PRKCH: variants seen among roughly 807,000 people sequenced by gnomAD.
The protein encoded by PRKCH is protein kinase C eta, also known as protein kinase C eta type.
Under a neutral mutation model 82.5 loss-of-function variants are expected in PRKCH, and 28 were observed. The ratio of observed to expected loss-of-function variants is 0.34; its 90% confidence interval spans 0.25 to 0.47. The LOEUF (loss-of-function observed/expected upper bound fraction) is 0.47. PRKCH is among the 20% of genes least tolerant of loss of function. The pLI is 1.00. For missense variants in PRKCH, 705 were observed against 881.8 expected (o/e 0.80, Z 2.54); for synonymous variants, 322 against 327.4 (o/e 0.98, Z 0.18).
intron 1 of PRKCH, among the ~76,000 whole-genome samples, chr14:61,296,573 C>T (rs565407186): frequency 1.3e-5 from 2 of 152,096 alleles, no homozygotes; most frequent in Non-Finnish European, 2.9e-5. Context: ...TTCAGTAGCC[C>T]CATAATCTCC....
In PRKCH at chr14:61,547,816, C is replaced by G; in HGVS notation, c.1835C>G (p.Pro612Arg). The G allele has an allele frequency of 6.2e-7, 1 of 1,614,180 alleles. No individual in the cohort carries two copies. Among genetic ancestry groups the G allele is most frequent in the Non-Finnish European group, 8.5e-7 (1 of 1,180,026 alleles). ...GGCGAGCACGCCATCTTGAGACATC[C>G]TTTTTTTAAGGAAATCGACTGGGCC... ...QGGEHAILRH[P>R]FFKEIDWAQL... Residue 612 changes from proline (P) to arginine (R), a missense_variant, in exon 13 of 14, where the codon CCT (proline) becomes CGT (arginine). Physicochemically the swap from Pro to Arg is moderately radical, Grantham distance 103. Around this residue, in one of 5 missense-constraint regions of PRKCH, gnomAD observed 115 missense variants for 193.8 expected, o/e 0.59. Coordinates refer to ENST00000332981, the MANE Select transcript of PRKCH (RefSeq NM_006255.5).
chr14:61,237,242 C>CAA (rs567714882), intron 1 of PRKCH, among the ~76,000 whole-genome samples: 15,559 of 93,416 alleles, frequency 0.17, 1,017 homozygotes, highest in African/African-American at 0.25. Context: ...GACTCTGTTT[C>CAA]AAAAAAAAAA....
intron 10 of PRKCH, among the ~76,000 whole-genome samples, chr14:61,511,230 G>T (rs1045069510): frequency 1.3e-5 from 2 of 152,172 alleles, no homozygotes; most frequent in African/African-American, 4.8e-5. Flanking sequence ...TCTCCATTTG[G>T]TTCGGATGTA....
At chr14:61,197,829 C>T (rs768605940) in intron 1 of PRKCH, among the ~76,000 whole-genome samples, 30 of 152,236 alleles carry the variant, frequency 2.0e-4, no homozygotes, top group Non-Finnish European at 3.1e-4. Context: ...AAAGACAGTG[C>T]CTCCACTTGT....
chr14:61,400,438 G>T (rs1342395241), intron 2 of PRKCH, among the ~76,000 whole-genome samples: 1 of 152,140 alleles, frequency 6.6e-6, no homozygotes, highest in Non-Finnish European at 1.5e-5. Context: ...TAGTTTTTGT[G>T]TTTGTTTTTT....
At chr14:61,274,227 A>C (rs995321385) in intron 1 of PRKCH, among the ~76,000 whole-genome samples, 1 of 152,254 alleles carries the variant, frequency 6.6e-6, no homozygotes, top group African/African-American at 2.4e-5. Context: ...GACCAGCATG[A>C]GCAAAGACAC....
intron 2 of PRKCH, among the ~76,000 whole-genome samples, chr14:61,422,259 T>C (rs1882876072): frequency 6.6e-6 from 1 of 151,964 alleles, no homozygotes; most frequent in Non-Finnish European, 1.5e-5. Context: ...AAATATTTTG[T>C]TTTTCTGTAG....
intron 12 of PRKCH, among the ~76,000 whole-genome samples, chr14:61,542,370 G>GA (rs61011878): frequency 2.5e-4 from 37 of 148,086 alleles, no homozygotes; most frequent in East Asian, 6.0e-4. Context: ...TTTCTGTCAG[G>GA]AAAAAAAAAA....
intron 1 of PRKCH, chr14:61,281,224 G>A: frequency 1.0e-6 from 1 of 967,866 alleles, no homozygotes; most frequent in Non-Finnish European, 1.4e-6. Context: ...TCCGCGCCGC[G>A]CAAGCCCGGG....
At chr14:61,299,484 T>TC (rs56098127) in intron 1 of PRKCH, among the ~76,000 whole-genome samples, 80 of 151,866 alleles carry the variant, frequency 5.3e-4, no homozygotes, top group Non-Finnish European at 6.3e-4. Context: ...TCAGGTTTTT[T>TC]CTACTGGGAG....
At chr14:61,449,898 C>G (rs887576092) in intron 5 of PRKCH, among the ~76,000 whole-genome samples, 4,311 of 26,746 alleles carry the variant, frequency 0.16, 111 homozygotes, top group Middle Eastern at 0.28. Context: ...CTCTCTCTCT[C>G]TCTGTGTGTG....
At chr14:61,214,184 A>G (rs942111402) in intron 1 of PRKCH, among the ~76,000 whole-genome samples, 1 of 152,124 alleles carries the variant, frequency 6.6e-6, no homozygotes, top group Non-Finnish European at 1.5e-5. Context: ...CTGTTTAACC[A>G]TCGTATTTCT....
chr14:61,465,826 A>G (rs1885229231), intron 9 of PRKCH, among the ~76,000 whole-genome samples: 1 of 152,232 alleles, frequency 6.6e-6, no homozygotes, highest in African/African-American at 2.4e-5. Flanking sequence ...TATGTTACGT[A>G]GTTAAATTGT....
intron 5 of PRKCH, among the ~76,000 whole-genome samples, chr14:61,450,507 A>G (rs1054515552): frequency 1.3e-5 from 2 of 152,222 alleles, no homozygotes; most frequent in African/African-American, 4.8e-5. Flanking sequence ...TGAAGTTAAA[A>G]GGTTCTGGGA....
intron 1 of PRKCH, among the ~76,000 whole-genome samples, chr14:61,347,393 C>A (rs1181657442): frequency 6.6e-6 from 1 of 152,170 alleles, no homozygotes; most frequent in African/African-American, 2.4e-5. Context: ...TGCTTTCGTT[C>A]CTCCTTTACC....
At chr14:61,294,314 G>T (rs764435494) in intron 1 of PRKCH, among the ~76,000 whole-genome samples, 4 of 151,984 alleles carry the variant, frequency 2.6e-5, no homozygotes, top group Admixed American at 6.6e-5. Flanking sequence ...TAGAGATGGG[G>T]TTTCGCCGTG....
chr14:61,487,341 C>T (rs1019041454), intron 10 of PRKCH, among the ~76,000 whole-genome samples: 3 of 152,182 alleles, frequency 2.0e-5, no homozygotes, highest in Non-Finnish European at 2.9e-5. Flanking sequence ...TCTTAGGTCA[C>T]GGGGCTGCAG....
upstream of PRKCH, among the ~76,000 whole-genome samples, chr14:61,317,388 A>C (rs147169973): frequency 1.3e-5 from 2 of 152,312 alleles, no homozygotes. Context: ...AAACTGTTGA[A>C]AGATTACTAA....
At position 61,382,461 on chromosome 14, in the gene PRKCH, A is replaced by C. The variant is rs141716663; in HGVS notation, c.364-8764A>C. On this transcript the variant is annotated intron_variant, in intron 1 of 13. Coordinates refer to ENST00000332981, the MANE Select transcript of PRKCH (RefSeq NM_006255.5). ...AAAAAACAAAAACAAACAAAAAAAAACAAGAAAAACCAATACAATCTCATT... is the reference window on the plus strand; with the variant it reads ...AAAAAACAAAAACAAACAAAAAAAACCAAGAAAAACCAATACAATCTCATT... Among the ~76,000 whole-genome samples, 140 of 152,180 alleles carry C rather than the reference A, an allele frequency of 9.2e-4. 2 individuals are homozygous for C. Among genetic ancestry groups the C allele is most frequent in the East Asian group, 7.7e-3 (40 of 5,186 alleles).
Sources: allele counts gnomAD v4.1 joint callset (sites outside exome capture counted in the v4.1 genomes callset), GRCh38; gene constraint gnomAD v4.1.1; regional missense constraint gnomAD v4.1.1; transcripts MANE v1.5; gene names NCBI Gene and HGNC (gene_info 2026-07-23, HGNC 2026-07-21).